Variants in ITGA4 observed in about 807,000 individuals in gnomAD.
ITGA4 encodes the protein integrin alpha-4.
A neutral mutation model predicts 133.6 loss-of-function variants in ITGA4; 63 were observed. That is an observed-to-expected ratio of 0.47 (90% confidence interval 0.38 to 0.58). ITGA4 has a LOEUF of 0.58. Among genes scored for constraint, ITGA4 ranks in the 20% least tolerant of loss-of-function variants. The probability of loss-of-function intolerance (pLI) is 0.00; values close to 1 mark genes in which losing one functional copy is unlikely to be tolerated. For synonymous variants in ITGA4, 483 were observed against 438.0 expected (o/e 1.10, Z -1.28); for missense variants, 1,076 against 1,252.7 (o/e 0.86, Z 2.13).
intron 7 of ITGA4, 61 bp downstream of exon 7, chr2:181,481,744 G>A: frequency 1.5e-6 from 1 of 689,194 alleles, no homozygotes; most frequent in Non-Finnish European, 2.4e-6. Flanking sequence ...GCATGAATAA[G>A]ATATTAAAGG....
chr2:181,457,866 A>C lies in ITGA4; in HGVS notation c.197+15A>C. Reference sequence around the variant, plus strand: ...GCGAACCGATGGTGAGTAGAGTTGGACTGATGCGCCCTCAGCAGCTCAGAG... The same window carrying C: ...GCGAACCGATGGTGAGTAGAGTTGGCCTGATGCGCCCTCAGCAGCTCAGAG... On this transcript the variant is annotated intron_variant, in intron 1 of 27. Coordinates refer to ENST00000397033, the MANE Select transcript of ITGA4 (RefSeq NM_000885.6). 1 of 1,600,848 alleles carries C rather than the reference A, an allele frequency of 6.2e-7. No individual in the cohort carries two copies. Among genetic ancestry groups the C allele is most frequent in the Non-Finnish European group, 8.5e-7 (1 of 1,171,890 alleles).
chr2:181,524,627 T>TGAAG (rs1488699482), intron 20 of ITGA4, among the ~76,000 whole-genome samples: 10 of 152,240 alleles, frequency 6.6e-5, no homozygotes, highest in Non-Finnish European at 1.0e-4. Flanking sequence ...ATTTCATGAG[T>TGAAG]GAAGTTTCAA....
In ITGA4 at chr2:181,475,694, C is replaced by CAG. The variant is rs878927699; in HGVS notation, c.556+407_556+408dup. 150 of 1,217,408 alleles carry CAG rather than the reference C, an allele frequency of 1.2e-4. 2 individuals carry two copies. The South Asian group carries it at 2.6e-3, about 21-fold the overall frequency. The allele number at this position is 1,217,408 out of a possible 1,614,324, so 75.4% of individuals were successfully genotyped here. A position where few individuals can be genotyped will look rare whatever the true frequency, so the allele number is the denominator to read the frequency against. ...TCCAGGAGTAATTGGGAAGAATAAT[C>CAG]AGTGTAAGCAAATCTTTCATTCGCA... On this transcript the variant is annotated intron_variant, in intron 4 of 27. Transcript: ENST00000397033.
chr2:181,511,267 G>A (rs1437671293), intron 16 of ITGA4, among the ~76,000 whole-genome samples: 1 of 151,898 alleles, frequency 6.6e-6, no homozygotes, highest in Non-Finnish European at 1.5e-5. Flanking sequence ...TCTCCATGTA[G>A]CTAATTTCAA....
At chr2:181,497,277 G>A (rs1574397335) in intron 14 of ITGA4, among the ~76,000 whole-genome samples, 1 of 152,042 alleles carries the variant, frequency 6.6e-6, no homozygotes, top group African/African-American at 2.4e-5. Flanking sequence ...ACAAACATAC[G>A]AAACACATAA....
chr2:181,537,872 A>G lies in ITGA4; in HGVS notation c.*2345A>G. ...GATATCCGTTTGGCCACACAGCAGGAGGTTAGAGCAATGGAGCATTACTGA... is the reference window on the plus strand; with the variant it reads ...GATATCCGTTTGGCCACACAGCAGGGGGTTAGAGCAATGGAGCATTACTGA... On this transcript the variant is annotated 3_prime_UTR_variant, in exon 28 of 28. Transcript: ENST00000397033. 1 of 533,696 alleles carries G rather than the reference A, an allele frequency of 1.9e-6. No individual in the cohort carries two copies. Among genetic ancestry groups the G allele is most frequent in the South Asian group, 1.5e-5 (1 of 65,110 alleles). The allele number at this position is 533,696 out of a possible 1,614,324, so 33.1% of individuals were successfully genotyped here.
chr2:181,475,762 G>A, intron 4 of ITGA4: 1 of 1,550,800 alleles, frequency 6.4e-7, no homozygotes, highest in Non-Finnish European at 8.7e-7. Context: ...CCTTCAAGCA[G>A]CAAGAGATTC....
intron 25 of ITGA4, among the ~76,000 whole-genome samples, chr2:181,533,749 T>C (rs1425045547): frequency 1.3e-5 from 2 of 152,186 alleles, no homozygotes; most frequent in African/African-American, 2.4e-5. Flanking sequence ...TGACTAAATA[T>C]ATTCTCATCT....
chr2:181,528,067 G>T (rs758530380), intron 22 of ITGA4, among the ~76,000 whole-genome samples: 2 of 152,252 alleles, frequency 1.3e-5, no homozygotes, highest in Admixed American at 6.5e-5. Flanking sequence ...CACTGTCCAA[G>T]CATTCTTATA....
rs1424646110 is a variant in ITGA4 at position 181,537,822 on chromosome 2, T to TGTTA, written c.*2298_*2301dup. 1 of 478,540 alleles carries TGTTA rather than the reference T, an allele frequency of 2.1e-6. No homozygotes were observed. The highest frequency in any genetic ancestry group is 2.3e-5 in the Admixed American group (1 of 43,336). The allele number at this position is 478,540 out of a possible 1,614,324, so 29.6% of individuals were successfully genotyped here. Reference sequence around the variant, plus strand: ...GACTTTTAAAGCCCTAGAGGCTAATTGTTAGTAACATCAATTTCTATTAGG... The same window carrying TGTTA: ...GACTTTTAAAGCCCTAGAGGCTAATTGTTAGTTAGTAACATCAATTTCTATTAGG... On this transcript the variant is annotated 3_prime_UTR_variant, in exon 28 of 28. Transcript: ENST00000397033.
chr2:181,461,522 G>C (rs1049984345), intron 2 of ITGA4, among the ~76,000 whole-genome samples: 1 of 151,880 alleles, frequency 6.6e-6, no homozygotes. Flanking sequence ...CATCAGGCTT[G>C]TTTAAAGGAA....
chr2:181,473,491 A>T (rs1685603605), intron 2 of ITGA4, among the ~76,000 whole-genome samples: 1 of 152,192 alleles, frequency 6.6e-6, no homozygotes, highest in South Asian at 2.1e-4. Flanking sequence ...CCTCACCTGG[A>T]TCTGCTGGAG....
chr2:181,482,594 C>T lies in ITGA4; in HGVS notation c.984C>T (p.Pro328=). 1.9e-6 allele frequency: 3 copies of T among 1,613,688 alleles called. No individual in the cohort carries two copies. The highest frequency in any genetic ancestry group is 2.5e-6 in the Non-Finnish European group (3 of 1,179,712). ...TCTCAGATCTGCTCGTGGGAGCACC[C>T]ATGCAGAGCACCATCAGAGAGGAAG... The part of the protein sequence containing the change: ...DGFSDLLVGA[P]MQSTIREEGR... Residue 328 remains proline, a synonymous_variant, in exon 9 of 28, where the codon CCC becomes CCT. Coordinates refer to ENST00000397033, the MANE Select transcript of ITGA4 (RefSeq NM_000885.6).
rs1243985108 is a variant in ITGA4 at position 181,495,980 on chromosome 2, C to T, written c.1540+43C>T. ...TATTAATGCTTGATGGGGTGCGGTT[C>T]ATTCATTAATCCCACAATCCTGCTT... On this transcript the variant is annotated intron_variant, in intron 14 of 27. Coordinates refer to ENST00000397033, the MANE Select transcript of ITGA4 (RefSeq NM_000885.6). The surrounding 1 kb of genome is among the most constrained non-coding windows in gnomAD (Gnocchi z 4.3). 6.3e-7 allele frequency: 1 copy of T among 1,587,928 alleles called. No individual in the cohort carries two copies. The highest frequency in any genetic ancestry group is 1.7e-5 in the Admixed American group (1 of 58,356).
At chr2:181,529,056 T>C (rs1448514603) in intron 22 of ITGA4, among the ~76,000 whole-genome samples, 1 of 152,242 alleles carries the variant, frequency 6.6e-6, no homozygotes, top group Non-Finnish European at 1.5e-5. Context: ...GCTTTTGCGA[T>C]AACATCATAG....
chr2:181,529,137 T>C (rs1378857859), intron 22 of ITGA4, among the ~76,000 whole-genome samples: 1 of 152,198 alleles, frequency 6.6e-6, no homozygotes, highest in Non-Finnish European at 1.5e-5. Context: ...TTGGGAACAC[T>C]AAGAACACCT....
intron 17 of ITGA4, among the ~76,000 whole-genome samples, chr2:181,519,699 A>G (rs894023622): frequency 1.3e-5 from 2 of 152,140 alleles, no homozygotes; most frequent in Non-Finnish European, 2.9e-5. Flanking sequence ...CCAAAACATT[A>G]GGTTGTCTGG....
intron 2 of ITGA4, among the ~76,000 whole-genome samples, chr2:181,460,025 T>C (rs1685230471): frequency 6.6e-6 from 1 of 152,216 alleles, no homozygotes; most frequent in African/African-American, 2.4e-5. Flanking sequence ...CAGAGAAATG[T>C]AAACATAGTA....
intron 21 of ITGA4, 22 bp downstream of exon 21, chr2:181,525,313 C>T (rs1686810270): frequency 7.7e-7 from 1 of 1,295,782 alleles, no homozygotes; most frequent in South Asian, 1.2e-5. Flanking sequence ...TAAAGGCTTC[C>T]TTTCAAATTT....
Sources: allele counts gnomAD v4.1 joint callset (sites outside exome capture counted in the v4.1 genomes callset), GRCh38; gene constraint gnomAD v4.1.1; non-coding constraint Gnocchi (gnomAD v3.1); transcripts MANE v1.5; gene names NCBI Gene and HGNC (gene_info 2026-07-23, HGNC 2026-07-21).